The following RPS6KC1 variants were observed in gnomAD, a reference collection of about 807,000 sequenced individuals.
RPS6KC1 encodes the protein inactive ribosomal protein S6 kinase delta-1.
Under a neutral mutation model 103.8 loss-of-function variants are expected in RPS6KC1, and 54 were observed. That is an observed-to-expected ratio of 0.52 (90% CI 0.42 to 0.65). The LOEUF is 0.65. Ranked by LOEUF, RPS6KC1 falls within the 30% of genes least tolerant of loss-of-function variation. The pLI is 0.00. For missense variants in RPS6KC1, 1,151 were observed against 1,253.8 expected (o/e 0.92, Z 1.24); for synonymous variants, 439 against 438.7 (o/e 1.00, Z -0.01).
At chr1:213,571,960 T>A in the RPS6KC1 span, among the ~76,000 whole-genome samples, 1 of 152,208 alleles carries the variant, frequency 6.6e-6, no homozygotes, top group Non-Finnish European at 1.5e-5. Context: ...CTTGAACCAC[T>A]CTTAGATTCA....
At chr1:213,314,865 C>A in the RPS6KC1 span, among the ~76,000 whole-genome samples, 1 of 151,962 alleles carries the variant, frequency 6.6e-6, no homozygotes, top group Admixed American at 6.6e-5. Flanking sequence ...GAGAGATACT[C>A]CAATTCAGTC....
the RPS6KC1 span, among the ~76,000 whole-genome samples, chr1:213,699,496 G>A: frequency 6.6e-6 from 1 of 152,102 alleles, no homozygotes; most frequent in African/African-American, 2.4e-5. Flanking sequence ...CTTGGCTGTT[G>A]TGAATAGTGC....
chr1:213,760,278 G>A, the RPS6KC1 span, among the ~76,000 whole-genome samples: 5 of 152,028 alleles, frequency 3.3e-5, no homozygotes, highest in South Asian at 2.1e-4. Flanking sequence ...ACCCACAGCC[G>A]CTGCTTCATT....
chr1:213,854,529 T>G, the RPS6KC1 span, among the ~76,000 whole-genome samples: 1 of 98,182 alleles, frequency 1.0e-5, no homozygotes, highest in Non-Finnish European at 2.1e-5. Flanking sequence ...TCTTTCTTTC[T>G]TTCTTTCTTT....
At chr1:213,055,647 C>T (rs1270514710) in intron 1 of RPS6KC1, among the ~76,000 whole-genome samples, 1 of 152,028 alleles carries the variant, frequency 6.6e-6, no homozygotes, top group Non-Finnish European at 1.5e-5. Flanking sequence ...CTTTCTTTCT[C>T]AAAATTGTTC....
chr1:213,178,111 G>A (rs2092002471), intron 8 of RPS6KC1, among the ~76,000 whole-genome samples: 2 of 151,526 alleles, frequency 1.3e-5, no homozygotes, highest in South Asian at 4.2e-4. Context: ...CCTGAGCCTG[G>A]GGAGTTTGAG....
chr1:213,800,028 T>C, the RPS6KC1 span, among the ~76,000 whole-genome samples: 3 of 152,214 alleles, frequency 2.0e-5, no homozygotes, highest in African/African-American at 7.2e-5. Flanking sequence ...CTTCCTCTTC[T>C]TCTAAGAACA....
At chr1:213,683,948 G>A in the RPS6KC1 span, among the ~76,000 whole-genome samples, 1 of 152,140 alleles carries the variant, frequency 6.6e-6, no homozygotes, top group Non-Finnish European at 1.5e-5. Flanking sequence ...CCATAACAAA[G>A]AGCCCTCTTC....
the RPS6KC1 span, among the ~76,000 whole-genome samples, chr1:213,487,454 T>C: frequency 1.3e-5 from 2 of 152,114 alleles, no homozygotes; most frequent in Non-Finnish European, 2.9e-5. Flanking sequence ...AAACTCATTT[T>C]TGTTGCCTTC....
In RPS6KC1 at chr1:213,272,722, A is replaced by T; in HGVS notation, c.*88A>T. The T allele has an allele frequency of 1.1e-6, 1 of 911,500 alleles. No homozygotes were observed. Among genetic ancestry groups the T allele is most frequent in the South Asian group, 1.4e-5 (1 of 71,586 alleles). 56.5% of individuals were successfully genotyped at this position (911,500 alleles called of 1,614,324 possible). On this transcript the variant is annotated 3_prime_UTR_variant, in exon 15 of 15. Coordinates refer to ENST00000366960, the MANE Select transcript of RPS6KC1 (RefSeq NM_012424.6). ...AGGCACCTCTGACTCACAGTTACTT[A>T]TGGAGCACCAAAGCATTTGGATAAA...
chr1:213,791,165 A>G, the RPS6KC1 span, among the ~76,000 whole-genome samples: 1 of 152,158 alleles, frequency 6.6e-6, no homozygotes, highest in Admixed American at 6.5e-5. Context: ...TTTTCAGGAC[A>G]AAAGAAAAAA....
At chr1:213,656,555 A>G in the RPS6KC1 span, among the ~76,000 whole-genome samples, 10 of 152,178 alleles carry the variant, frequency 6.6e-5, no homozygotes, top group Non-Finnish European at 1.5e-4. Context: ...GAAGAGTCAA[A>G]CAGAGACTGA....
chr1:213,445,300 C>G, the RPS6KC1 span, among the ~76,000 whole-genome samples: 1 of 152,190 alleles, frequency 6.6e-6, no homozygotes, highest in East Asian at 1.9e-4. Context: ...ATTTCATGTA[C>G]AAGTCTTTAT....
chr1:213,602,034 C>T, the RPS6KC1 span, among the ~76,000 whole-genome samples: 98 of 11,504 alleles, frequency 8.5e-3, 15 homozygotes, highest in East Asian at 0.11. Flanking sequence ...CTTTCTCTTT[C>T]TCTTTCTTTC....
chr1:213,556,539 G>T, the RPS6KC1 span, among the ~76,000 whole-genome samples: 1 of 152,168 alleles, frequency 6.6e-6, no homozygotes, highest in East Asian at 1.9e-4. Context: ...AACAGAATTG[G>T]TGGATGGAAC....
chr1:213,420,497 G>A, the RPS6KC1 span, among the ~76,000 whole-genome samples: 1 of 152,182 alleles, frequency 6.6e-6, no homozygotes, highest in Non-Finnish European at 1.5e-5. Flanking sequence ...AGACAAAAAG[G>A]CAAAAGCAAA....
At chr1:213,453,145 C>T in the RPS6KC1 span, among the ~76,000 whole-genome samples, 4 of 151,964 alleles carry the variant, frequency 2.6e-5, no homozygotes, top group African/African-American at 4.8e-5. Context: ...GGGTATACTT[C>T]GGTATCTTGA....
At chr1:213,569,312 C>T in the RPS6KC1 span, among the ~76,000 whole-genome samples, 1 of 152,124 alleles carries the variant, frequency 6.6e-6, no homozygotes, top group Admixed American at 6.6e-5. Context: ...CTTCCTATTG[C>T]CTGTCTGTTG....
At chr1:213,662,880 T>C in the RPS6KC1 span, among the ~76,000 whole-genome samples, 18 of 152,338 alleles carry the variant, frequency 1.2e-4, no homozygotes, top group South Asian at 3.5e-3. Flanking sequence ...TTTGGTCACT[T>C]ATTCAATCCT....
Sources: allele counts gnomAD v4.1 joint callset (sites outside exome capture counted in the v4.1 genomes callset), GRCh38; gene constraint gnomAD v4.1.1; transcripts MANE v1.5; gene names NCBI Gene and HGNC (gene_info 2026-07-23, HGNC 2026-07-21).